Variants in SPC24 observed in about 807,000 individuals in gnomAD.
The protein encoded by SPC24 is kinetochore protein Spc24.
Under a neutral mutation model 27.6 loss-of-function variants are expected in SPC24, and 31 were observed. That is an observed-to-expected ratio of 1.12 (90% CI 0.84 to 1.52). The LOEUF (loss-of-function observed/expected upper bound fraction) is 1.52. Ranked by LOEUF, SPC24 falls within the 40% of genes most tolerant of loss-of-function variation. The pLI is 0.00. For missense variants in SPC24, 284 were observed against 252.5 expected (o/e 1.12, Z -0.84); for synonymous variants, 105 against 105.8 (o/e 0.99, Z 0.05).
Position 11,149,155 on chromosome 19 carries a change from G to C in SPC24, c.244C>G (p.Gln82Glu), listed in dbSNP as rs1240998699. ...GCCTCCTGAAGCCCAGCTTCCAGCT[G>C]CTGCAGCTCCACGCCTCCCTGGTGC... ...QVHQGGVELQ[Q>E]LEAGLQEAGE... Residue 82 changes from glutamine (Q) to glutamate (E), a missense_variant, in exon 2 of 5, where the codon CAG becomes GAG. By Grantham distance (29) the Gln-to-Glu change is conservative. Coordinates refer to ENST00000592540, the MANE Select transcript of SPC24 (RefSeq NM_182513.4). 2 of 1,549,754 alleles carry C rather than the reference G, an allele frequency of 1.3e-6. No individual in the cohort carries two copies. Among genetic ancestry groups the C allele is most frequent in the Non-Finnish European group, 1.7e-6 (2 of 1,146,750 alleles).
At chr19:11,147,754 A>G in intron 4 of SPC24, 64 bp downstream of exon 4, 4 of 1,426,406 alleles carry the variant, frequency 2.8e-6, no homozygotes, top group Non-Finnish European at 3.9e-6. Flanking sequence ...GGGTCCTGCT[A>G]TGCACCATTT....
chr19:11,152,841 C>G (rs2077882456), intron 1 of SPC24, among the ~76,000 whole-genome samples: 1 of 152,016 alleles, frequency 6.6e-6, no homozygotes, highest in Non-Finnish European at 1.5e-5. Context: ...TCAGACTCCT[C>G]CTGGGCACTC....
intron 1 of SPC24, among the ~76,000 whole-genome samples, chr19:11,150,993 C>G (rs1350336882): frequency 6.6e-6 from 1 of 151,938 alleles, no homozygotes; most frequent in Non-Finnish European, 1.5e-5. Context: ...GAAACCCCGT[C>G]TCTACTAAAG....
chr19:11,150,214 G>C (rs1012924827), intron 1 of SPC24, among the ~76,000 whole-genome samples: 2 of 144,816 alleles, frequency 1.4e-5, no homozygotes, highest in Non-Finnish European at 3.0e-5. Flanking sequence ...AAAAAGGCTA[G>C]GTGTGGTGGC....
chr19:11,152,622 C>G (rs1353953592), intron 1 of SPC24, among the ~76,000 whole-genome samples: 4 of 152,172 alleles, frequency 2.6e-5, no homozygotes, highest in African/African-American at 9.6e-5. Flanking sequence ...AGGATGTGAA[C>G]TGGATCTGTT....
chr19:11,151,696 G>A (rs905364506), intron 1 of SPC24, among the ~76,000 whole-genome samples: 30 of 151,624 alleles, frequency 2.0e-4, no homozygotes, highest in Middle Eastern at 3.4e-3. Flanking sequence ...TGCAACCTCC[G>A]CCTCCCAGGT....
rs149774359 is a variant in SPC24 at position 11,146,198 on chromosome 19, GGGA to G, written c.*982_*984del. The G allele has an allele frequency of 0.015, 2,298 of 152,106 alleles. 73 individuals carry two copies. Among genetic ancestry groups the G allele is most frequent in the Admixed American group, 0.066 (1,011 of 15,232 alleles). The allele number at this position is 152,106 out of a possible 1,614,324, so 9.4% of individuals were successfully genotyped here. Reference sequence around the variant, plus strand: ...TTGTGTTAATTCCTCCGTCAGCAGTGGGAGGAGAACCATGTCACTCGTATCTTG... The same window carrying G: ...TTGTGTTAATTCCTCCGTCAGCAGTGGGAGAACCATGTCACTCGTATCTTG... On this transcript the variant is annotated 3_prime_UTR_variant, in exon 5 of 5. Transcript: ENST00000592540.
chr19:11,154,092 G>A (rs1004983904), intron 1 of SPC24, among the ~76,000 whole-genome samples: 10 of 151,442 alleles, frequency 6.6e-5, no homozygotes, highest in African/African-American at 2.4e-4. Context: ...AAAAAATACA[G>A]TCTTGAAGAG....
intron 4 of SPC24, 73 bp downstream of exon 4, chr19:11,147,745 G>C: frequency 7.4e-7 from 1 of 1,350,558 alleles, no homozygotes; most frequent in Non-Finnish European, 1.0e-6. Flanking sequence ...ATTTTTACAG[G>C]GTCCTGCTAT....
Position 11,149,227 on chromosome 19 carries a change from T to G in SPC24, c.172A>C (p.Met58Leu), listed in dbSNP as rs1361527319. ...AGGCTCTGGGCCACTTCCTTCTCCA[T>G]GGTGAGGATCTCTGCAGGGTGGAGA... ...AEKQLREILT[M>L]EKEVAQSLLN... The change falls in exon 2 of 5, where the codon ATG (methionine) becomes CTG (leucine). Residue 58 changes from methionine (M) to leucine (L), a missense_variant. By Grantham distance (15) the Met-to-Leu change is conservative (BLOSUM62 2). Transcript: ENST00000592540. 1.9e-6 allele frequency: 3 copies of G among 1,547,320 alleles called. No homozygotes were observed. Among genetic ancestry groups the G allele is most frequent in the Non-Finnish European group, 2.6e-6 (3 of 1,145,118 alleles).
intron 2 of SPC24, 49 bp downstream of exon 2, chr19:11,149,045 C>G: frequency 7.0e-7 from 1 of 1,436,780 alleles, no homozygotes; most frequent in Non-Finnish European, 9.2e-7. Flanking sequence ...CTGCGCCTGG[C>G]CCTATGCGTG....
chr19:11,148,396 CAG>C (rs1250713405), intron 2 of SPC24, among the ~76,000 whole-genome samples: 2 of 152,052 alleles, frequency 1.3e-5, no homozygotes, highest in Admixed American at 6.6e-5. Context: ...TTAGTAGAGA[CAG>C]GGTTTCACCA....
chr19:11,147,966 G>T, intron 3 of SPC24, 47 bp downstream of exon 3: 1 of 1,598,726 alleles, frequency 6.3e-7, no homozygotes, highest in Non-Finnish European at 8.6e-7. Context: ...CCAAGAGCCG[G>T]ACTGCACAAG....
chr19:11,154,432 G>C (rs2147328809), intron 1 of SPC24, among the ~76,000 whole-genome samples: 1 of 152,230 alleles, frequency 6.6e-6, no homozygotes, highest in East Asian at 1.9e-4. Flanking sequence ...TCAGCTACTT[G>C]GGAGGCTGAG....
At chr19:11,154,508 A>G (rs2147328959) in intron 1 of SPC24, among the ~76,000 whole-genome samples, 1 of 152,270 alleles carries the variant, frequency 6.6e-6, no homozygotes, top group Non-Finnish European at 1.5e-5. Context: ...CACTGCATTC[A>G]AGCCAGGGTA....
At position 11,149,150 on chromosome 19, in the gene SPC24, C is replaced by T; in HGVS notation, c.249G>A (p.Leu83=). 6.5e-7 allele frequency: 1 copy of T among 1,549,552 alleles called. No homozygotes were observed. The highest frequency in any genetic ancestry group is 8.7e-7 in the Non-Finnish European group (1 of 1,146,698). The change falls in exon 2 of 5, where the codon CTG becomes CTA. Residue 83 remains leucine, a synonymous_variant. Transcript: ENST00000592540. ...CCCCAGCCTCCTGAAGCCCAGCTTCCAGCTGCTGCAGCTCCACGCCTCCCT... is the reference window on the plus strand; with the variant it reads ...CCCCAGCCTCCTGAAGCCCAGCTTCTAGCTGCTGCAGCTCCACGCCTCCCT... ...VHQGGVELQQ[L]EAGLQEAGEE...
chr19:11,155,053 G>C (rs1600794838), intron 1 of SPC24, among the ~76,000 whole-genome samples: 1 of 152,162 alleles, frequency 6.6e-6, no homozygotes, highest in East Asian at 1.9e-4. Flanking sequence ...GAGTGCGGTG[G>C]CAAGCGCCTG....
intron 1 of SPC24, among the ~76,000 whole-genome samples, chr19:11,153,669 A>G (rs1277107011): frequency 2.0e-5 from 3 of 151,586 alleles, no homozygotes; most frequent in Admixed American, 6.6e-5. Flanking sequence ...CTGAGGCAGG[A>G]GAATTGCTTG....
At chr19:11,154,588 G>A (rs1391152974) in intron 1 of SPC24, among the ~76,000 whole-genome samples, 1 of 152,132 alleles carries the variant, frequency 6.6e-6, no homozygotes, top group East Asian at 1.9e-4. Context: ...CTATGACATG[G>A]ATGAACCTGG....
Sources: allele counts gnomAD v4.1 joint callset (sites outside exome capture counted in the v4.1 genomes callset), GRCh38; gene constraint gnomAD v4.1.1; transcripts MANE v1.5; gene names NCBI Gene and HGNC (gene_info 2026-07-23, HGNC 2026-07-21).